EDA: variants seen among roughly 807,000 people sequenced by gnomAD.
The protein encoded by EDA is ectodysplasin-A.
EDA carries 2 observed loss-of-function variants against 23.6 expected under a neutral mutation model. The observed-to-expected ratio is 0.08, with a 90% confidence interval of 0.03 to 0.27. EDA has a LOEUF of 0.27. Ranked by LOEUF, EDA falls within the 10% of genes least tolerant of loss-of-function variation. EDA has a pLI of 1.00. For missense variants in EDA, 229 were observed against 324.2 expected, an observed-to-expected ratio of 0.71 and a Z score of 2.26; for synonymous variants, 131 against 132.0, an observed-to-expected ratio of 0.99 and a Z score of 0.05.
At chrX:69,805,817 C>CA (rs1283531877) in intron 1 of EDA, among the ~76,000 whole-genome samples, 1 of 111,359 alleles carries the variant, frequency 9.0e-6, no homozygotes, top group East Asian at 2.9e-4. Flanking sequence ...GAACAAATGA[C>CA]AAATAGTAAG....
intron 2 of EDA, among the ~76,000 whole-genome samples, chrX:70,014,867 A>G (rs1001156236): frequency 8.9e-6 from 1 of 112,530 alleles, no homozygotes; most frequent in African/African-American, 3.2e-5. Flanking sequence ...AAATAAAGAA[A>G]AAAAGAATTT....
At chrX:69,653,048 A>G (rs1933157011) in intron 1 of EDA, among the ~76,000 whole-genome samples, 1 of 111,861 alleles carries the variant, frequency 8.9e-6, no homozygotes, top group Non-Finnish European at 1.9e-5. Flanking sequence ...ATGGCATTGA[A>G]TCTATAAATT....
At chrX:69,994,683 A>C (rs2019632878) in intron 2 of EDA, among the ~76,000 whole-genome samples, 1 of 111,971 alleles carries the variant, frequency 8.9e-6, no homozygotes, top group Admixed American at 9.5e-5. Flanking sequence ...AGGTTAAAGC[A>C]GCTTACAGTG....
intron 1 of EDA, among the ~76,000 whole-genome samples, chrX:69,851,441 A>T (rs1456702182): frequency 8.9e-6 from 1 of 112,625 alleles, no homozygotes; most frequent in African/African-American, 3.2e-5. Flanking sequence ...AGCCAATTTA[A>T]TCACACATAT....
At chrX:69,717,415 G>T (rs187122978) in intron 1 of EDA, among the ~76,000 whole-genome samples, 2 of 110,253 alleles carry the variant, frequency 1.8e-5, no homozygotes, top group East Asian at 5.6e-4. Context: ...CATGTTTATT[G>T]TCAGTATATA....
intron 1 of EDA, among the ~76,000 whole-genome samples, chrX:69,810,330 T>C (rs1322343396): frequency 1.0e-5 from 1 of 97,328 alleles, no homozygotes; most frequent in African/African-American, 3.8e-5. Context: ...TTTGTGGTTA[T>C]TGGACATTCA....
chrX:69,832,941 T>A lies in EDA; in HGVS notation c.397-124086T>A, dbSNP rs1184372689. ...TTATCAGCTTAAGGAGATTTTGGGCTGAGACAATGGGGTTTTCTAAATATA... is the reference window on the plus strand; with the variant it reads ...TTATCAGCTTAAGGAGATTTTGGGCAGAGACAATGGGGTTTTCTAAATATA... On this transcript the variant is annotated intron_variant, in intron 1 of 7. Transcript: ENST00000374552. 3.6e-5 allele frequency among the ~76,000 whole-genome samples: 4 copies of A among 111,860 alleles called. No individual in the cohort carries two copies. In the Admixed American group the frequency reaches 3.8e-4, roughly 11 times the overall value.
At chrX:69,655,762 C>CTATATAAATATATATATATATATA (rs1933292724) in intron 1 of EDA, among the ~76,000 whole-genome samples, 13 of 52,478 alleles carry the variant, frequency 2.5e-4, no homozygotes, top group African/African-American at 1.5e-3. Flanking sequence ...TCATTAGAAT[C>CTATATAAATATATATATATATATA]TATATATATA....
At chrX:69,848,763 C>G (rs2017059340) in intron 1 of EDA, among the ~76,000 whole-genome samples, 1 of 111,332 alleles carries the variant, frequency 9.0e-6, no homozygotes, top group Non-Finnish European at 1.9e-5. Flanking sequence ...GGGATGGGCC[C>G]CAGGAACTGA....
rs138909436 is a variant in EDA, at chrX:69,807,179, G to A, written c.397-149848G>A. Among the ~76,000 whole-genome samples the A allele has an allele frequency of 5.0e-4, 55 of 109,632 alleles. 1 individual carries two copies. In the East Asian group the frequency reaches 0.015, roughly 29 times the overall value. ...AAACTAGGAAGAAAATTCTATAGAT[G>A]AGAATTAAAATCTGTGACACATAGT... On this transcript the variant is annotated intron_variant, in intron 1 of 7. Transcript: ENST00000374552.
intron 1 of EDA, among the ~76,000 whole-genome samples, chrX:69,622,502 C>T (rs113177263): frequency 0.016 from 1,824 of 112,072 alleles, 44 homozygotes; most frequent in African/African-American, 0.056. Context: ...TATGCATTTG[C>T]ATATCTTCTG....
chrX:69,789,012 C>A, intron 1 of EDA, among the ~76,000 whole-genome samples: 1 of 112,706 alleles, frequency 8.9e-6, no homozygotes, highest in South Asian at 3.7e-4. Flanking sequence ...TTTTTTTAGC[C>A]TGTCGGAAAA....
At chrX:69,641,130 T>G (rs1195218905) in intron 1 of EDA, among the ~76,000 whole-genome samples, 2 of 107,768 alleles carry the variant, frequency 1.9e-5, no homozygotes, top group Non-Finnish European at 3.9e-5. Context: ...TCGTTTGTTG[T>G]TTTTTTTTTC....
chrX:69,882,359 C>G (rs1016058978), intron 1 of EDA, among the ~76,000 whole-genome samples: 16 of 111,947 alleles, frequency 1.4e-4, no homozygotes, highest in African/African-American at 5.2e-4. Flanking sequence ...TCCCAGAGGT[C>G]TCACTCCAGA....
chrX:69,856,259 GT>G (rs1569356495), intron 1 of EDA, among the ~76,000 whole-genome samples: 2 of 86,209 alleles, frequency 2.3e-5, no homozygotes, highest in Non-Finnish European at 4.8e-5. Flanking sequence ...TCCATGGTGT[GT>G]GTGTGTGTGT....
At chrX:69,649,435 T>C (rs1052940701) in intron 1 of EDA, among the ~76,000 whole-genome samples, 3 of 111,988 alleles carry the variant, frequency 2.7e-5, no homozygotes, top group African/African-American at 9.7e-5. Flanking sequence ...TGGGAACCTA[T>C]TGACTGACAA....
At chrX:69,669,649 A>T (rs1464694465) in intron 1 of EDA, among the ~76,000 whole-genome samples, 2 of 111,067 alleles carry the variant, frequency 1.8e-5, no homozygotes, top group African/African-American at 6.5e-5. Flanking sequence ...ATTGTTAACC[A>T]TCTTTTTTTC....
chrX:69,901,540 ACTTTT>A (rs1007461868), intron 1 of EDA, among the ~76,000 whole-genome samples: 3 of 111,668 alleles, frequency 2.7e-5, no homozygotes, highest in Non-Finnish European at 3.8e-5. Context: ...AGAAAGGATG[ACTTTT>A]CTTTTCCTTG....
chrX:69,762,129 T>A (rs1257276133), intron 1 of EDA, among the ~76,000 whole-genome samples: 1 of 111,699 alleles, frequency 9.0e-6, no homozygotes, highest in Admixed American at 9.6e-5. Context: ...TGGCCAATAC[T>A]TTTTAAAAAT....
Sources: gnomAD v4.1 joint callset for allele counts (sites outside exome capture counted in the v4.1 genomes callset) on GRCh38, gnomAD v4.1.1 for gene constraint, MANE v1.5 for transcripts, NCBI Gene and HGNC (gene_info 2026-07-23, HGNC 2026-07-21) for gene names.